Variants in PCM1 observed in about 807,000 individuals in gnomAD.
The protein encoded by PCM1 is pericentriolar material 1 protein.
PCM1 carries 157 observed loss-of-function variants against 241.9 expected under a neutral mutation model. The observed-to-expected ratio is 0.65, with a 90% confidence interval of 0.57 to 0.74. The LOEUF (loss-of-function observed/expected upper bound fraction) is 0.74. Among genes scored for constraint, PCM1 ranks in the 30% least tolerant of loss-of-function variants. The pLI, the probability that PCM1 is intolerant of heterozygous loss-of-function variation, is 0.00. For synonymous variants in PCM1, 1,085 were observed against 784.9 expected (o/e 1.38, Z -6.39); for missense variants, 3,478 against 2,360.1 (o/e 1.47, Z -9.81).
intron 29 of PCM1, among the ~76,000 whole-genome samples, chr8:18,002,053 A>ATT (rs777500160): frequency 1.7e-3 from 17 of 9,970 alleles, no homozygotes; most frequent in Non-Finnish European, 2.8e-3. Context: ...GATCTGTTAA[A>ATT]TTTTTTTTTT....
chr8:18,010,224 G>A (rs1021670720), intron 31 of PCM1, among the ~76,000 whole-genome samples: 3 of 152,174 alleles, frequency 2.0e-5, no homozygotes, highest in Non-Finnish European at 4.4e-5. Flanking sequence ...GGTGAGATTG[G>A]ATGACTGTTC....
intron 7 of PCM1, 142 bp from the exon 8 acceptor site, chr8:17,950,473 A>T (rs1341000770): frequency 5.1e-6 from 3 of 583,546 alleles, no homozygotes; most frequent in Non-Finnish European, 9.0e-6. Flanking sequence ...GATTGTTGGC[A>T]GATAGATCGG....
In PCM1 at chr8:17,947,168, G is replaced by C; in HGVS notation, c.784-18G>C. On this transcript the variant is annotated intron_variant, in intron 6 of 38. Coordinates refer to ENST00000325083, the MANE Select transcript of PCM1 (RefSeq NM_006197.4). ...ATTTTAATAGTCAGATACAAGTATTGTTGGTCTTATTTTCCAGGCCAGAGA... is the reference window on the plus strand; with the variant it reads ...ATTTTAATAGTCAGATACAAGTATTCTTGGTCTTATTTTCCAGGCCAGAGA... The C allele has an allele frequency of 2.0e-6, 3 of 1,528,180 alleles. No homozygotes were observed. In the South Asian group the frequency reaches 3.7e-5, roughly 19 times the overall value. 94.7% of individuals were successfully genotyped at this position (1,528,180 alleles called of 1,614,324 possible).
At chr8:17,945,805 G>T (rs1422378546) in intron 6 of PCM1, among the ~76,000 whole-genome samples, 1 of 139,352 alleles carries the variant, frequency 7.2e-6, no homozygotes, top group Non-Finnish European at 1.6e-5. Context: ...ACTTTCAAAA[G>T]AAATCTTTGA....
intron 29 of PCM1, among the ~76,000 whole-genome samples, chr8:17,996,571 T>A (rs1304718954): frequency 6.6e-6 from 1 of 152,198 alleles, no homozygotes; most frequent in African/African-American, 2.4e-5. Flanking sequence ...TCTTTTGTAT[T>A]TTATTTCAAT....
At chr8:17,930,973 T>A (rs551488121) in intron 2 of PCM1, among the ~76,000 whole-genome samples, 1 of 152,358 alleles carries the variant, frequency 6.6e-6, no homozygotes, top group Non-Finnish European at 1.5e-5. Context: ...CTGTGCCTTT[T>A]AAACACATTT....
Position 18,018,625 on chromosome 8 carries a change from A to G in PCM1, c.5841+3785A>G, listed in dbSNP as rs568943405. Among the ~76,000 whole-genome samples, 91 of 152,008 alleles carry G rather than the reference A, an allele frequency of 6.0e-4. 1 individual carries two copies. The highest frequency in any genetic ancestry group is 3.4e-3 in the Middle Eastern group (1 of 294). Reference sequence around the variant, plus strand: ...CAAGAGATTGAGACCATCCTGGCCAATATGGTGAAACCCCATCTCTACTGA... The same window carrying G: ...CAAGAGATTGAGACCATCCTGGCCAGTATGGTGAAACCCCATCTCTACTGA... On this transcript the variant is annotated intron_variant, in intron 36 of 38. Coordinates refer to ENST00000325083, the MANE Select transcript of PCM1 (RefSeq NM_006197.4).
chr8:17,950,479 A>G lies in PCM1; in HGVS notation c.962-136A>G, dbSNP rs1044942557. ...TAATAAAATGATTGTTGGCAGATAG[A>G]TCGGATTGTTAACTAGTTTCAAGTT... is the stretch of plus-strand genomic sequence containing the variant. On this transcript the variant is annotated intron_variant, in intron 7 of 38. Coordinates refer to ENST00000325083, the MANE Select transcript of PCM1 (RefSeq NM_006197.4). 105 of 588,458 alleles carry G rather than the reference A, an allele frequency of 1.8e-4. 1 individual carries two copies. The highest frequency in any genetic ancestry group is 1.7e-3 in the South Asian group (77 of 44,464). 36.5% of individuals were successfully genotyped at this position (588,458 alleles called of 1,614,324 possible).
At chr8:17,990,545 C>G (rs1241848563) in intron 27 of PCM1, among the ~76,000 whole-genome samples, 1 of 150,664 alleles carries the variant, frequency 6.6e-6, no homozygotes, top group Non-Finnish European at 1.5e-5. Context: ...AGAGGGTTGC[C>G]TGGCTGCAGT....
rs564478842 is a variant in PCM1, at chr8:18,002,892, C to T, written c.4828-3371C>T. ...TGTCTTCTTTTGAGAAGTGTCTGTTCATGTCCTTCGCCCACTTTTTGACCT... is the reference window on the plus strand; with the variant it reads ...TGTCTTCTTTTGAGAAGTGTCTGTTTATGTCCTTCGCCCACTTTTTGACCT... On this transcript the variant is annotated intron_variant, in intron 29 of 38. Coordinates refer to ENST00000325083, the MANE Select transcript of PCM1 (RefSeq NM_006197.4). 1.7e-5 allele frequency among the ~76,000 whole-genome samples: 2 copies of T among 120,970 alleles called. 1 individual carries two copies. Among genetic ancestry groups the T allele is most frequent in the Non-Finnish European group, 3.1e-5 (2 of 64,560 alleles). The allele number at this position is 120,970 out of a possible 152,430, so 79.4% of individuals were successfully genotyped here.
chr8:18,010,001 C>T (rs559506003), intron 31 of PCM1, among the ~76,000 whole-genome samples: 6 of 152,220 alleles, frequency 3.9e-5, no homozygotes, highest in African/African-American at 1.4e-4. Context: ...CATTATTGTC[C>T]TGTATTCAGG....
intron 23 of PCM1, among the ~76,000 whole-genome samples, chr8:17,976,926 GT>G (rs1164238527): frequency 6.6e-6 from 1 of 150,552 alleles, no homozygotes; most frequent in Non-Finnish European, 1.5e-5. Context: ...TCTCTTCACA[GT>G]TTCAGCTATT....
chr8:17,930,853 C>T (rs1027565279), intron 2 of PCM1, among the ~76,000 whole-genome samples: 1 of 151,324 alleles, frequency 6.6e-6, no homozygotes, highest in Non-Finnish European at 1.5e-5. Flanking sequence ...GCACTCCAGC[C>T]TGGGTGACAG....
intron 19 of PCM1, 43 bp from the exon 20 acceptor site, chr8:17,966,285 C>T: frequency 6.2e-7 from 1 of 1,608,620 alleles, no homozygotes; most frequent in Non-Finnish European, 8.5e-7. Context: ...ACAAATTTTT[C>T]TCAAGTCATC....
At chr8:17,967,474 A>C (rs2075336336) in intron 21 of PCM1, among the ~76,000 whole-genome samples, 2 of 148,894 alleles carry the variant, frequency 1.3e-5, no homozygotes, top group Admixed American at 1.3e-4. Context: ...GTGCCCAGCT[A>C]ATTTTGTATT....
rs2074112037 is a variant in PCM1 at position 17,964,687 on chromosome 8, C to A, written c.2774C>A (p.Ala925Asp). The A allele has an allele frequency of 6.2e-7, 1 of 1,613,654 alleles. No individual in the cohort carries two copies. Among genetic ancestry groups the A allele is most frequent in the Non-Finnish European group, 8.5e-7 (1 of 1,179,730 alleles). ...TDEEEEEEQDASSNDNFSVCP... is the reference protein window; with the variant it reads ...TDEEEEEEQDDSSNDNFSVCP... ...GAAGAGGAGGAAGAAGAGCAAGATG[C>A]CAGTTCCAATGATAACTTTTCTGTG... The change falls in exon 18 of 39, where the codon GCC becomes GAC. Residue 925 changes from alanine (A) to aspartate (D), a missense_variant. Ala to Asp is a moderately radical substitution (Grantham distance 126). Coordinates refer to ENST00000325083, the MANE Select transcript of PCM1 (RefSeq NM_006197.4).
At position 17,939,975 on chromosome 8, in the gene PCM1, C is replaced by G. The variant is rs868101411; in HGVS notation, c.783+114C>G. 17 of 1,215,610 alleles carry G rather than the reference C, an allele frequency of 1.4e-5. No homozygotes were observed. The Middle Eastern group carries it at 1.3e-3, about 96-fold the overall frequency. The allele number at this position is 1,215,610 out of a possible 1,614,324, so 75.3% of individuals were successfully genotyped here. ...GTTAACATATTTTCAAAAAATCATGCCATCCATTATAACAATTTATTGCCC... is the reference window on the plus strand; with the variant it reads ...GTTAACATATTTTCAAAAAATCATGGCATCCATTATAACAATTTATTGCCC... On this transcript the variant is annotated intron_variant, in intron 6 of 38. Coordinates refer to ENST00000325083, the MANE Select transcript of PCM1 (RefSeq NM_006197.4).
chr8:18,004,902 T>G (rs991635823), intron 29 of PCM1, among the ~76,000 whole-genome samples: 5 of 152,202 alleles, frequency 3.3e-5, no homozygotes, highest in Admixed American at 2.6e-4. Flanking sequence ...TCCTTAGTCT[T>G]CAAGTGGCTT....
chr8:17,939,358 A>G (rs1047927453), intron 5 of PCM1, among the ~76,000 whole-genome samples: 6 of 151,726 alleles, frequency 4.0e-5, no homozygotes, highest in Non-Finnish European at 8.8e-5. Flanking sequence ...TAAAACTATA[A>G]TACATTTAAT....
Sources: allele counts gnomAD v4.1 joint callset (sites outside exome capture counted in the v4.1 genomes callset), GRCh38; gene constraint gnomAD v4.1.1; transcripts MANE v1.5; gene names NCBI Gene and HGNC (gene_info 2026-07-23, HGNC 2026-07-21).